Variants in KIAA0586 observed in about 807,000 individuals in gnomAD.
The protein encoded by KIAA0586 is KIAA0586.
KIAA0586 carries 144 observed loss-of-function variants against 169.8 expected under a neutral mutation model. That is an observed-to-expected ratio of 0.85 (90% CI 0.74 to 0.97). The LOEUF is 0.97. KIAA0586 is among the 50% of genes least tolerant of loss of function. The pLI is 0.00. For synonymous variants in KIAA0586, 625 were observed against 612.4 expected, an observed-to-expected ratio of 1.02 and a Z score of -0.30; for missense variants, 1,854 against 1,823.0, an observed-to-expected ratio of 1.02 and a Z score of -0.31.
Position 58,482,709 on chromosome 14 carries a change from G to A in KIAA0586, c.3141G>A (p.Leu1047=), listed in dbSNP as rs1242459431. ...SGDASTNETY[L]PARVCTPLPT... ...ATGCTTCAACAAATGAAACATATTT[G>A]CCGGTATGGGGAATTTTTGAGACAT... is the stretch of plus-strand genomic sequence containing the variant. The change falls in exon 21 of 31, where the codon TTG becomes TTA. Residue 1047 remains leucine (L), a synonymous_variant. Coordinates refer to ENST00000652326, the MANE Select transcript of KIAA0586 (RefSeq NM_001329943.3). 1.9e-6 allele frequency: 3 copies of A among 1,555,174 alleles called. No individual in the cohort carries two copies. The highest frequency in any genetic ancestry group is 2.6e-6 in the Non-Finnish European group (3 of 1,150,878).
intron 29 of KIAA0586, among the ~76,000 whole-genome samples, chr14:58,531,357 AT>A: frequency 2.0e-5 from 3 of 151,224 alleles, no homozygotes. Context: ...TAAATAAAAA[AT>A]AAAAAAAAAT....
chr14:58,533,891 G>A (rs1276275242), intron 29 of KIAA0586, among the ~76,000 whole-genome samples: 1 of 152,146 alleles, frequency 6.6e-6, no homozygotes, highest in Admixed American at 6.5e-5. Context: ...ATGTGGAATG[G>A]TGGTGTTTTT....
chr14:58,539,411 T>C (rs375142603), intron 29 of KIAA0586, among the ~76,000 whole-genome samples: 128 of 152,324 alleles, frequency 8.4e-4, no homozygotes, highest in African/African-American at 2.9e-3. Context: ...TTGACTGTAC[T>C]TCACAGCACA....
intron 26 of KIAA0586, among the ~76,000 whole-genome samples, chr14:58,492,999 G>A (rs960267118): frequency 1.3e-5 from 2 of 152,186 alleles, no homozygotes; most frequent in Non-Finnish European, 2.9e-5. Flanking sequence ...TAAGGCTTGG[G>A]CACTGTGGAG....
chr14:58,527,988 C>G (rs1047219167), intron 29 of KIAA0586, among the ~76,000 whole-genome samples: 9 of 152,046 alleles, frequency 5.9e-5, no homozygotes, highest in Non-Finnish European at 1.3e-4. Flanking sequence ...CACAGATAGG[C>G]TCAAAATAAA....
At chr14:58,440,286 C>A in intron 4 of KIAA0586, 1 of 394,252 alleles carries the variant, frequency 2.5e-6, no homozygotes. Flanking sequence ...CTCTTTTCTT[C>A]TTTCTCTCTC....
rs768032063 is a variant in KIAA0586, at chr14:58,474,794, A to T, written c.2822A>T (p.Gln941Leu). 2 of 1,590,258 alleles carry T rather than the reference A, an allele frequency of 1.3e-6. No homozygotes were observed. The highest frequency in any genetic ancestry group is 2.7e-5 in the African/African-American group (2 of 73,776). ...GAAACACTGGAAAATAGCTTAATTC[A>T]ATGGTAAGTTTATAATGTTTTTGGT... ...RKETLENSLI[Q>L]WVEQEIMSRI... is the part of the protein sequence containing the mutation. The change falls in exon 19 of 31, where the codon CAA (glutamine) becomes CTA (leucine). Residue 941 changes from glutamine (Q) to leucine (L), a missense_variant. Gln to Leu is a moderately radical substitution (Grantham distance 113). Coordinates refer to ENST00000652326, the MANE Select transcript of KIAA0586 (RefSeq NM_001329943.3).
intron 21 of KIAA0586, among the ~76,000 whole-genome samples, chr14:58,486,219 T>A (rs2141171781): frequency 6.6e-6 from 1 of 152,338 alleles, no homozygotes; most frequent in Non-Finnish European, 1.5e-5. Context: ...TTTTTCTTCC[T>A]CTGTTTGTTT....
At position 58,427,747 on chromosome 14, in the gene KIAA0586, G is replaced by A; in HGVS notation, c.-518G>A. On this transcript the variant is annotated 5_prime_UTR_variant, in exon 1 of 31. Coordinates refer to ENST00000652326, the MANE Select transcript of KIAA0586 (RefSeq NM_001329943.3). ...GTTGTCAGATTACACCCACGACGGT[G>A]CGGGTCTCGGGCGTTCTGGAGATAC... 1 of 1,533,488 alleles carries A rather than the reference G, an allele frequency of 6.5e-7. No individual in the cohort carries two copies. The highest frequency in any genetic ancestry group is 1.2e-5 in the South Asian group (1 of 83,798). The allele number at this position is 1,533,488 out of a possible 1,614,324, so 95.0% of individuals were successfully genotyped here.
rs1320531496 is a variant in KIAA0586 at position 58,498,787 on chromosome 14, T to G, written c.3995T>G (p.Leu1332Trp). 2 of 1,590,518 alleles carry G rather than the reference T, an allele frequency of 1.3e-6. No individual in the cohort carries two copies. Among genetic ancestry groups the G allele is most frequent in the Non-Finnish European group, 1.7e-6 (2 of 1,171,956 alleles). Residue 1332 changes from leucine to tryptophan, a missense_variant, in exon 27 of 31, where the codon TTG becomes TGG. By Grantham distance (61) the Leu-to-Trp change is moderately conservative (BLOSUM62 -2). Coordinates refer to ENST00000652326, the MANE Select transcript of KIAA0586 (RefSeq NM_001329943.3). Reference sequence around the variant, plus strand: ...AATTGTTTCTGCTTTTTAAAGGACTTGGAAAACAGTGTGGGTGAACTTAGT... The same window carrying G: ...AATTGTTTCTGCTTTTTAAAGGACTGGGAAAACAGTGTGGGTGAACTTAGT... The part of the protein sequence containing the change: ...SQQAVYHSED[L>W]ENSVGELSEG...
At chr14:58,513,580 T>C (rs1464606811) in intron 29 of KIAA0586, among the ~76,000 whole-genome samples, 1 of 132,140 alleles carries the variant, frequency 7.6e-6, no homozygotes, top group Non-Finnish European at 1.5e-5. Flanking sequence ...CTCCTGACCC[T>C]TTTTTTTTTT....
At chr14:58,516,509 T>C (rs966173377) in intron 29 of KIAA0586, among the ~76,000 whole-genome samples, 1 of 152,178 alleles carries the variant, frequency 6.6e-6, no homozygotes, top group East Asian at 1.9e-4. Context: ...GGGAGAGTGG[T>C]TGGAAACTGT....
chr14:58,559,285 C>G, the KIAA0586 span, among the ~76,000 whole-genome samples: 1 of 152,194 alleles, frequency 6.6e-6, no homozygotes, highest in Non-Finnish European at 1.5e-5. Flanking sequence ...GATTTTTCTG[C>G]TCAATTTTTA....
intron 28 of KIAA0586, among the ~76,000 whole-genome samples, chr14:58,510,674 A>G (rs1289537610): frequency 6.6e-6 from 1 of 152,230 alleles, no homozygotes; most frequent in Non-Finnish European, 1.5e-5. Context: ...ATGTACGTGA[A>G]TGTTCATACA....
intron 12 of KIAA0586, among the ~76,000 whole-genome samples, chr14:58,459,253 G>A (rs1230504494): frequency 2.0e-5 from 3 of 152,004 alleles, no homozygotes; most frequent in African/African-American, 4.8e-5. Context: ...AAACTTTGTT[G>A]TTGAAGAATA....
At chr14:58,551,912 TC>T (rs2047213655), downstream of KIAA0586, among the ~76,000 whole-genome samples, 7 of 152,086 alleles carry the variant, frequency 4.6e-5, no homozygotes, top group South Asian at 1.4e-3. Flanking sequence ...AAGAGAAAAC[TC>T]ACTGAAGCAT....
At chr14:58,480,534 C>G (rs1214113473) in intron 20 of KIAA0586, among the ~76,000 whole-genome samples, 2 of 152,220 alleles carry the variant, frequency 1.3e-5, no homozygotes, top group Admixed American at 6.5e-5. Flanking sequence ...CGACAACTTG[C>G]AGTTCTGCTG....
chr14:58,484,898 A>ATATATTTATATATATTTTTT (rs1230592298), intron 21 of KIAA0586, among the ~76,000 whole-genome samples: 5 of 4,888 alleles, frequency 1.0e-3, no homozygotes, highest in African/African-American at 2.2e-3. Context: ...ATTTATATAT[A>ATATATTTATATATATTTTTT]TATATATATA....
At position 58,475,992 on chromosome 14, in the gene KIAA0586, G is replaced by A. The variant is rs368128033; in HGVS notation, c.2826-1131G>A. 2.6e-5 allele frequency among the ~76,000 whole-genome samples: 4 copies of A among 152,278 alleles called. 1 individual carries two copies. ...GCACACCTGTGGTCCCTGCCACTCGGGAGACTGAGACAGGAGAATCGCTTG... is the reference window on the plus strand; with the variant it reads ...GCACACCTGTGGTCCCTGCCACTCGAGAGACTGAGACAGGAGAATCGCTTG... On this transcript the variant is annotated intron_variant, in intron 19 of 30. Coordinates refer to ENST00000652326, the MANE Select transcript of KIAA0586 (RefSeq NM_001329943.3).
Sources: allele counts gnomAD v4.1 joint callset (sites outside exome capture counted in the v4.1 genomes callset), GRCh38; gene constraint gnomAD v4.1.1; transcripts MANE v1.5; gene names NCBI Gene and HGNC (gene_info 2026-07-23, HGNC 2026-07-21).